The following NUP153 variants were observed in gnomAD, a reference collection of about 807,000 sequenced individuals.
NUP153 encodes the protein nucleoporin 153, also known as nuclear pore complex protein Nup153.
In NUP153, 27 loss-of-function variants were observed where a neutral mutation model predicts 134.6. That is an observed-to-expected ratio of 0.20 (90% CI 0.15 to 0.28). The LOEUF is 0.28. NUP153 is among the 10% of genes least tolerant of loss of function. The pLI is 1.00. For synonymous variants in NUP153, 640 were observed against 623.5 expected (o/e 1.03, Z -0.40); for missense variants, 1,821 against 1,731.3 (o/e 1.05, Z -0.92).
chr6:17,637,540 T>C lies in NUP153; in HGVS notation c.2077A>G (p.Lys693Glu). 6.2e-7 allele frequency: 1 copy of C among 1,614,236 alleles called. No homozygotes were observed. The highest frequency in any genetic ancestry group is 2.2e-5 in the East Asian group (1 of 44,890). Residue 693 changes from lysine to glutamate, a missense_variant, in exon 16 of 22, where the codon AAA becomes GAA. Coordinates refer to ENST00000262077, the MANE Select transcript of NUP153 (RefSeq NM_005124.4). ...TTTGGTGTTTCAATTCCAGTCTGTT[T>C]AGCAGTATCTCTGGGTGACAATTTT... ...AAKLSPRDTA[K>E]QTGIETPNKS... is the part of the protein sequence containing the mutation.
chr6:17,668,446 T>C (rs578052522), intron 8 of NUP153, among the ~76,000 whole-genome samples: 6 of 152,048 alleles, frequency 3.9e-5, no homozygotes, highest in Non-Finnish European at 5.9e-5. Flanking sequence ...ATCCTCAAGA[T>C]GGAAATGCTG....
intron 15 of NUP153, 128 bp from the exon 16 acceptor site, chr6:17,637,898 A>T (rs1483120246): frequency 5.8e-6 from 6 of 1,040,518 alleles, no homozygotes; most frequent in Non-Finnish European, 8.1e-6. Flanking sequence ...TGAACTACTT[A>T]AGAATTGTTT....
intron 1 of NUP153, among the ~76,000 whole-genome samples, chr6:17,695,644 T>C (rs762006944): frequency 2.0e-5 from 3 of 152,186 alleles, no homozygotes; most frequent in Non-Finnish European, 4.4e-5. Context: ...CAGCCAACTA[T>C]AAGACATTAG....
At chr6:17,664,778 C>T (rs1262170279) in intron 9 of NUP153, among the ~76,000 whole-genome samples, 5 of 152,024 alleles carry the variant, frequency 3.3e-5, no homozygotes, top group Admixed American at 6.6e-5. Context: ...AGTGGCCAGG[C>T]GCGGTGGCTC....
intron 13 of NUP153, among the ~76,000 whole-genome samples, chr6:17,646,901 G>A (rs1053729501): frequency 1.3e-5 from 2 of 148,310 alleles, no homozygotes; most frequent in Non-Finnish European, 3.0e-5. Context: ...CACCATGCCT[G>A]GCTAATTCTG....
At chr6:17,622,462 C>T (rs917166595) in intron 20 of NUP153, among the ~76,000 whole-genome samples, 1 of 152,092 alleles carries the variant, frequency 6.6e-6, no homozygotes, top group Admixed American at 6.5e-5. Flanking sequence ...GAGACCCTGT[C>T]TCAAAAAATT....
intron 17 of NUP153, among the ~76,000 whole-genome samples, chr6:17,631,801 A>G (rs1023117730): frequency 3.3e-5 from 5 of 152,118 alleles, no homozygotes; most frequent in African/African-American, 1.2e-4. Flanking sequence ...CCCCGTCTCT[A>G]CTAAAAACAC....
Position 17,706,627 on chromosome 6 carries a change from G to T in NUP153, c.-240C>A. On this transcript the variant is annotated 5_prime_UTR_variant, in exon 1 of 22. Coordinates refer to ENST00000262077, the MANE Select transcript of NUP153 (RefSeq NM_005124.4). The surrounding 1 kb of genome is among the most constrained non-coding windows in gnomAD (Gnocchi z 5.9). ...CAGAGGCCGAGGAGGCTCCGGTCCG[G>T]CCGCCTCTGCGGACCCCCGCCTCTG... 3.6e-6 allele frequency: 2 copies of T among 561,650 alleles called. No individual in the cohort carries two copies. The highest frequency in any genetic ancestry group is 6.3e-6 in the Non-Finnish European group (2 of 318,122). 34.8% of individuals were successfully genotyped at this position (561,650 alleles called of 1,614,324 possible).
intron 1 of NUP153, among the ~76,000 whole-genome samples, chr6:17,702,671 C>T (rs974815064): frequency 2.6e-5 from 4 of 151,044 alleles, no homozygotes; most frequent in Admixed American, 6.6e-5. Context: ...TGCAAAACTC[C>T]GTCTCAAAAA....
intron 1 of NUP153, among the ~76,000 whole-genome samples, chr6:17,705,481 CATA>C (rs1419237559): frequency 2.7e-5 from 4 of 148,558 alleles, no homozygotes. Context: ...GAATACGCCT[CATA>C]ATATTAAAAT....
Position 17,666,885 on chromosome 6 carries a change from G to A in NUP153, c.1069-1500C>T, listed in dbSNP as rs575099225. Among the ~76,000 whole-genome samples the A allele has an allele frequency of 2.4e-4, 37 of 152,320 alleles. 1 individual carries two copies. In the South Asian group the frequency reaches 7.7e-3, roughly 32 times the overall value. On this transcript the variant is annotated intron_variant, in intron 8 of 21. Transcript: ENST00000262077. ...CATTGGTTTCCAGGGCAAAGCCTCT[G>A]TATGGTTACTAACTCTTCCCTAAAA...
In NUP153 at chr6:17,637,663, A is replaced by G. The variant is rs1434668297; in HGVS notation, c.1954T>C (p.Phe652Leu). 1.2e-6 allele frequency: 2 copies of G among 1,613,354 alleles called. No individual in the cohort carries two copies. The highest frequency in any genetic ancestry group is 3.3e-5 in the Admixed American group (2 of 59,980). ...ISSFSSSGIG[F>L]GESLKAGSSW... ...GACCCAGCTTTTAAACTCTCCCCAA[A>G]CCCAATTCCACTAGAAGAAAAGCTA... The change falls in exon 16 of 22, where the codon TTT (phenylalanine) becomes CTT (leucine). Residue 652 changes from phenylalanine (F) to leucine (L), a missense_variant. Physicochemically the swap from Phe to Leu is conservative, Grantham distance 22 (BLOSUM62 0). Transcript: ENST00000262077.
chr6:17,693,505 C>A (rs939349853), intron 1 of NUP153, among the ~76,000 whole-genome samples: 1 of 152,182 alleles, frequency 6.6e-6, no homozygotes, highest in Non-Finnish European at 1.5e-5. Context: ...AAGGTAGTAG[C>A]GTTCTGCTAT....
At chr6:17,692,162 A>G (rs558988699) in intron 1 of NUP153, among the ~76,000 whole-genome samples, 3 of 152,296 alleles carry the variant, frequency 2.0e-5, no homozygotes, top group African/African-American at 7.2e-5. Flanking sequence ...AACAACTGGA[A>G]AACATAACTG....
chr6:17,680,671 G>A lies in NUP153; in HGVS notation c.335-4901C>T, dbSNP rs550437283. Among the ~76,000 whole-genome samples the A allele has an allele frequency of 8.5e-5, 13 of 152,216 alleles. No homozygotes were observed. The highest frequency in any genetic ancestry group is 7.9e-4 in the Admixed American group (12 of 15,282). ...TAAAAGGTCAACCTACAGGATGGGA[G>A]AAAATATCCACAAATTATATATGTG... On this transcript the variant is annotated intron_variant, in intron 2 of 21. Transcript: ENST00000262077. The surrounding 1 kb of genome is among the most constrained non-coding windows in gnomAD (Gnocchi z 4.5).
chr6:17,666,233 T>C (rs956148253), intron 8 of NUP153, among the ~76,000 whole-genome samples: 6 of 152,052 alleles, frequency 3.9e-5, no homozygotes, highest in Middle Eastern at 3.2e-3. Context: ...AAACTAGCTA[T>C]GGGCCAGGCG....
chr6:17,688,784 C>T (rs1158225650), intron 1 of NUP153, among the ~76,000 whole-genome samples, 166 bp from the exon 2 acceptor site: 1 of 152,152 alleles, frequency 6.6e-6, no homozygotes, highest in Non-Finnish European at 1.5e-5. Context: ...ACAAATTCTA[C>T]AGATGTGAAA....
At chr6:17,704,587 T>C (rs572718406) in intron 1 of NUP153, among the ~76,000 whole-genome samples, 1 of 152,248 alleles carries the variant, frequency 6.6e-6, no homozygotes, top group Admixed American at 6.5e-5. Flanking sequence ...GCACTTTATG[T>C]ACATATCTGG....
intron 2 of NUP153, among the ~76,000 whole-genome samples, chr6:17,687,502 A>G (rs1008056670): frequency 6.6e-6 from 1 of 152,234 alleles, no homozygotes; most frequent in Non-Finnish European, 1.5e-5. Flanking sequence ...TGAACATTCA[A>G]AGAATACATC....
Sources: gnomAD v4.1 joint callset for allele counts (sites outside exome capture counted in the v4.1 genomes callset) on GRCh38, gnomAD v4.1.1 for gene constraint, Gnocchi (gnomAD v3.1) non-coding constraint, MANE v1.5 for transcripts, NCBI Gene and HGNC (gene_info 2026-07-23, HGNC 2026-07-21) for gene names.